The following SLC39A11 variants were observed in gnomAD, a reference collection of about 807,000 sequenced individuals.
SLC39A11 encodes solute carrier family 39 member 11.
SLC39A11 carries 33 observed loss-of-function variants against 36.1 expected under a neutral mutation model. The observed-to-expected ratio is 0.91, with a 90% CI of 0.69 to 1.22. The LOEUF is 1.22. Ranked by LOEUF, SLC39A11 falls within the 50% of genes most tolerant of loss-of-function variation. The pLI is 0.00. For synonymous variants in SLC39A11, 166 were observed against 170.3 expected, an observed-to-expected ratio of 0.97 and a Z score of 0.20; for missense variants, 432 against 430.3, an observed-to-expected ratio of 1.00 and a Z score of -0.03.
chr17:73,047,986 A>AAAT (rs2059361913), intron 3 of SLC39A11, among the ~76,000 whole-genome samples: 1 of 42,238 alleles, frequency 2.4e-5, no homozygotes, highest in African/African-American at 7.3e-5. Flanking sequence ...AAAAAAAAAA[A>AAAT]AAAAATATAT....
intron 4 of SLC39A11, among the ~76,000 whole-genome samples, chr17:73,003,261 C>G (rs966901472): frequency 1.3e-5 from 2 of 152,194 alleles, no homozygotes; most frequent in Non-Finnish European, 2.9e-5. Context: ...CTGCAAATAT[C>G]TGGAAATGTA....
chr17:72,958,621 A>C (rs979252336), intron 4 of SLC39A11, among the ~76,000 whole-genome samples: 1 of 152,160 alleles, frequency 6.6e-6, no homozygotes, highest in African/African-American at 2.4e-5. Flanking sequence ...GAGGCCAAGG[A>C]AGGCATATCA....
intron 5 of SLC39A11, 85 bp downstream of exon 5, chr17:72,947,667 C>T (rs761175978): frequency 1.9e-6 from 3 of 1,595,104 alleles, no homozygotes; most frequent in Non-Finnish European, 1.7e-6. Flanking sequence ...CACTATTCAT[C>T]CTACCACCAG....
chr17:72,667,011 T>G (rs975002810), intron 7 of SLC39A11, among the ~76,000 whole-genome samples: 3 of 152,194 alleles, frequency 2.0e-5, no homozygotes, highest in Non-Finnish European at 4.4e-5. Context: ...TGTCCAGGGC[T>G]TGCTGGGGAG....
Position 72,842,102 on chromosome 17 carries a change from G to GTGTGCA in SLC39A11, c.601+7531_601+7532insTGCACA, listed in dbSNP as rs1555592106. ...TATGTGTGTGTGTGTGTGTGTGTGTGCACGCACGCGCATATGTATTTCATG... is the reference window on the plus strand; with the variant it reads ...TATGTGTGTGTGTGTGTGTGTGTGTGTGTGCACACGCACGCGCATATGTATTTCATG... On this transcript the variant is annotated intron_variant, in intron 6 of 9. Transcript: ENST00000255559. Among the ~76,000 whole-genome samples the GTGTGCA allele has an allele frequency of 2.1e-3, 325 of 151,280 alleles. 1 individual carries two copies. The highest frequency in any genetic ancestry group is 3.7e-3 in the Non-Finnish European group (254 of 67,772).
chr17:72,648,372 C>T (rs112712385), intron 9 of SLC39A11, among the ~76,000 whole-genome samples: 41 of 142,512 alleles, frequency 2.9e-4, no homozygotes, highest in African/African-American at 1.0e-3. Context: ...AACAAAACAA[C>T]AACAAAATGG....
chr17:72,787,965 T>G (rs1389243910), intron 6 of SLC39A11, among the ~76,000 whole-genome samples: 1 of 152,334 alleles, frequency 6.6e-6, no homozygotes, highest in East Asian at 1.9e-4. Context: ...TTGCATTTAT[T>G]TGTACAATTC....
chr17:72,675,856 T>C (rs1159188008), intron 7 of SLC39A11, among the ~76,000 whole-genome samples: 1 of 152,160 alleles, frequency 6.6e-6, no homozygotes, highest in Non-Finnish European at 1.5e-5. Flanking sequence ...ATTTTGTATT[T>C]TTAGTAGAGA....
At chr17:72,908,392 A>G (rs1250102254) in intron 5 of SLC39A11, among the ~76,000 whole-genome samples, 1 of 152,246 alleles carries the variant, frequency 6.6e-6, no homozygotes, top group Non-Finnish European at 1.5e-5. Flanking sequence ...TCGCTGCTGC[A>G]ACCTGCTAGC....
chr17:73,086,391 T>C (rs1314709164), intron 2 of SLC39A11, among the ~76,000 whole-genome samples: 1 of 152,146 alleles, frequency 6.6e-6, no homozygotes, highest in Non-Finnish European at 1.5e-5. Flanking sequence ...CAAAATGTGG[T>C]ATGTACATAC....
intron 6 of SLC39A11, 21 bp downstream of exon 6, chr17:72,849,613 C>G: frequency 6.8e-7 from 1 of 1,463,012 alleles, no homozygotes. Flanking sequence ...GTGGCTGTCA[C>G]GCTCACGGGC....
At chr17:73,060,274 A>AT (rs1431698649) in intron 3 of SLC39A11, among the ~76,000 whole-genome samples, 1 of 150,974 alleles carries the variant, frequency 6.6e-6, no homozygotes, top group Non-Finnish European at 1.5e-5. Flanking sequence ...AAAAAAAAAA[A>AT]GTTGGGGGGT....
chr17:72,839,039 GA>G (rs1160781465), intron 6 of SLC39A11: 1 of 152,246 alleles, frequency 6.6e-6, no homozygotes, highest in African/African-American at 2.4e-5. Flanking sequence ...GTAAGTTGCT[GA>G]ATGGGCTCAT....
At chr17:72,852,735 T>C (rs1175712189) in intron 5 of SLC39A11, among the ~76,000 whole-genome samples, 1 of 152,206 alleles carries the variant, frequency 6.6e-6, no homozygotes, top group Non-Finnish European at 1.5e-5. Context: ...GTAGACAATA[T>C]GTAGATGACT....
intron 7 of SLC39A11, among the ~76,000 whole-genome samples, chr17:72,675,062 G>GC (rs2071196526): frequency 6.6e-6 from 1 of 152,010 alleles, no homozygotes; most frequent in Admixed American, 6.6e-5. Flanking sequence ...GAGAACAACT[G>GC]CCCCCCGCTT....
chr17:72,738,642 A>G (rs1386350825), intron 6 of SLC39A11, among the ~76,000 whole-genome samples: 3 of 152,220 alleles, frequency 2.0e-5, no homozygotes, highest in African/African-American at 7.2e-5. Context: ...ACATCTGTGA[A>G]GAGGGCGATG....
At chr17:72,937,216 G>C (rs1438843913) in intron 5 of SLC39A11, among the ~76,000 whole-genome samples, 1 of 152,172 alleles carries the variant, frequency 6.6e-6, no homozygotes, top group African/African-American at 2.4e-5. Context: ...CGAGGCGGGT[G>C]GATCGCCTGA....
intron 7 of SLC39A11, among the ~76,000 whole-genome samples, chr17:72,650,091 A>C (rs2069780511): frequency 6.6e-6 from 1 of 152,230 alleles, no homozygotes; most frequent in Admixed American, 6.5e-5. Flanking sequence ...TGGGACAAGG[A>C]AGTGCAGCTG....
chr17:72,952,810 T>C, intron 4 of SLC39A11, among the ~76,000 whole-genome samples: 1 of 152,184 alleles, frequency 6.6e-6, no homozygotes, highest in Admixed American at 6.5e-5. Flanking sequence ...CAAGCTGTTC[T>C]TGACTTTCCA....
Sources: allele counts gnomAD v4.1 joint callset (sites outside exome capture counted in the v4.1 genomes callset), GRCh38; gene constraint gnomAD v4.1.1; transcripts MANE v1.5; gene names NCBI Gene and HGNC (gene_info 2026-07-23, HGNC 2026-07-21).